The following CACNA2D3 variants were observed in gnomAD, a reference collection of about 807,000 sequenced individuals.
The protein encoded by CACNA2D3 is voltage-dependent calcium channel subunit alpha-2/delta-3.
CACNA2D3 carries 60 observed loss-of-function variants against 160.6 expected under a neutral mutation model. The observed-to-expected ratio is 0.37, with a 90% CI of 0.30 to 0.46. CACNA2D3 has a LOEUF of 0.46. Ranked by LOEUF, CACNA2D3 falls within the 20% of genes least tolerant of loss-of-function variation. The pLI, the probability that CACNA2D3 is intolerant of heterozygous loss-of-function variation, is 1.00. For synonymous variants in CACNA2D3, 558 were observed against 492.9 expected (o/e 1.13, Z -1.75); for missense variants, 1,205 against 1,365.0 (o/e 0.88, Z 1.85).
chr3:54,270,710 C>T (rs1349840084), intron 2 of CACNA2D3, among the ~76,000 whole-genome samples: 1 of 152,214 alleles, frequency 6.6e-6, no homozygotes, highest in Non-Finnish European at 1.5e-5. Flanking sequence ...GGGAAGAATA[C>T]TCTTCCATGT....
intron 12 of CACNA2D3, among the ~76,000 whole-genome samples, chr3:54,763,461 T>C (rs1702121960): frequency 6.6e-6 from 1 of 152,080 alleles, no homozygotes; most frequent in African/African-American, 2.4e-5. Flanking sequence ...ATTATTGTTA[T>C]GTTTATAAAA....
chr3:54,881,476 C>T (rs2106843209), intron 21 of CACNA2D3, among the ~76,000 whole-genome samples: 1 of 152,338 alleles, frequency 6.6e-6, no homozygotes, highest in Middle Eastern at 3.4e-3. Flanking sequence ...TCTCAGTAAA[C>T]AGGAGCAGTT....
intron 4 of CACNA2D3, among the ~76,000 whole-genome samples, chr3:54,463,906 C>G (rs186467204): frequency 1.7e-4 from 26 of 152,230 alleles, no homozygotes; most frequent in African/African-American, 5.8e-4. Flanking sequence ...GTGGTTTTAT[C>G]TACTTTTGGT....
chr3:54,455,717 A>G (rs1700386501), intron 4 of CACNA2D3, among the ~76,000 whole-genome samples: 1 of 152,068 alleles, frequency 6.6e-6, no homozygotes, highest in Non-Finnish European at 1.5e-5. Context: ...TTTAAGATTT[A>G]AGTCTTTAAT....
intron 20 of CACNA2D3, among the ~76,000 whole-genome samples, chr3:54,879,652 C>T (rs986544725): frequency 1.3e-5 from 2 of 152,204 alleles, no homozygotes; most frequent in African/African-American, 2.4e-5. Flanking sequence ...CATTGTCAAG[C>T]AAATATGCTT....
chr3:54,976,094 T>C (rs1353818529), intron 29 of CACNA2D3, among the ~76,000 whole-genome samples: 6 of 128,366 alleles, frequency 4.7e-5, no homozygotes, highest in African/African-American at 1.7e-4. Context: ...CACACACACA[T>C]TATATAAAGG....
chr3:54,217,613 C>T (rs894108648), intron 2 of CACNA2D3, among the ~76,000 whole-genome samples: 2 of 151,944 alleles, frequency 1.3e-5, no homozygotes, highest in African/African-American at 2.4e-5. Flanking sequence ...AAGACAGAGG[C>T]AGAGATCAGA....
rs1199109598 is a variant in CACNA2D3, at chr3:54,764,365, G to A, written c.1380+14G>A. 3.3e-5 allele frequency: 53 copies of A among 1,613,268 alleles called. No individual in the cohort carries two copies. The highest frequency in any genetic ancestry group is 4.5e-5 in the Non-Finnish European group (53 of 1,179,520). ...ATTGACAGCACTGTGAGTCCACGGGGCCCTGGGAAAGAGGCTAAGCTTTAC... is the reference window on the plus strand; with the variant it reads ...ATTGACAGCACTGTGAGTCCACGGGACCCTGGGAAAGAGGCTAAGCTTTAC... On this transcript the variant is annotated intron_variant, in intron 13 of 37. Coordinates refer to ENST00000474759, the MANE Select transcript of CACNA2D3 (RefSeq NM_018398.3).
At chr3:54,706,964 C>T (rs1280305385) in intron 11 of CACNA2D3, among the ~76,000 whole-genome samples, 1 of 152,232 alleles carries the variant, frequency 6.6e-6, no homozygotes, top group South Asian at 2.1e-4. Flanking sequence ...TTTTATGAAG[C>T]AGCCAACCAT....
At position 54,813,491 on chromosome 3, in the gene CACNA2D3, C is replaced by G. The variant is rs116900966; in HGVS notation, c.1381-3362C>G. On this transcript the variant is annotated intron_variant, in intron 13 of 37. Transcript: ENST00000474759. ...GAATGTGAGTTTCAAATCTATTCCT[C>G]TAGCAGATATATTTTTCTCTTGAAG... Among the ~76,000 whole-genome samples, 551 of 152,234 alleles carry G rather than the reference C, an allele frequency of 3.6e-3. 5 individuals carry two copies. The East Asian group carries it at 0.051, about 14-fold the overall frequency.
At chr3:54,651,365 C>T (rs1320114261) in intron 11 of CACNA2D3, among the ~76,000 whole-genome samples, 1 of 150,180 alleles carries the variant, frequency 6.7e-6, no homozygotes, top group Non-Finnish European at 1.5e-5. Context: ...GACAGGAGAA[C>T]TTCAAGATGA....
intron 3 of CACNA2D3, among the ~76,000 whole-genome samples, chr3:54,355,407 T>G (rs28499181): frequency 0.89 from 135,317 of 152,234 alleles, 60,347 homozygotes; most frequent in African/African-American, 0.97. Flanking sequence ...CAGTGAAGGG[T>G]CTCTGGCAGT....
chr3:54,922,701 C>T lies in CACNA2D3; in HGVS notation c.2449+22833C>T, dbSNP rs568209232. Among the ~76,000 whole-genome samples the T allele has an allele frequency of 1.2e-3, 188 of 152,216 alleles. 1 individual carries two copies. Among genetic ancestry groups the T allele is most frequent in the African/African-American group, 4.3e-3 (178 of 41,538 alleles). Reference sequence around the variant, plus strand: ...GTAGCTCCAACATCTTCCTGAGCTTCGGGCTTAAATATACAACCTCCAACT... The same window carrying T: ...GTAGCTCCAACATCTTCCTGAGCTTTGGGCTTAAATATACAACCTCCAACT... On this transcript the variant is annotated intron_variant, in intron 27 of 37. Transcript: ENST00000474759.
intron 27 of CACNA2D3, among the ~76,000 whole-genome samples, chr3:54,924,419 G>C (rs1297369120): frequency 6.6e-6 from 1 of 152,148 alleles, no homozygotes; most frequent in Non-Finnish European, 1.5e-5. Context: ...CATATTTGTA[G>C]ATTAATTTCG....
At chr3:54,874,660 C>G (rs1184065685) in intron 18 of CACNA2D3, 2 of 152,084 alleles carry the variant, frequency 1.3e-5, no homozygotes, top group African/African-American at 4.8e-5. Flanking sequence ...TGTTTTATCT[C>G]CATTGTACAG....
intron 27 of CACNA2D3, among the ~76,000 whole-genome samples, chr3:54,961,797 TTC>T (rs1702034986): frequency 6.6e-6 from 1 of 152,050 alleles, no homozygotes; most frequent in Admixed American, 6.5e-5. Flanking sequence ...ACAGGACATC[TTC>T]TGTTTTCTTT....
chr3:54,822,881 A>G (rs961221286), intron 14 of CACNA2D3, among the ~76,000 whole-genome samples: 11 of 144,040 alleles, frequency 7.6e-5, no homozygotes, highest in African/African-American at 2.6e-4. Flanking sequence ...TGAGACAGAG[A>G]TTAGCTCATG....
intron 35 of CACNA2D3, among the ~76,000 whole-genome samples, chr3:55,059,707 T>C (rs1299647747): frequency 6.6e-6 from 1 of 152,144 alleles, no homozygotes; most frequent in Non-Finnish European, 1.5e-5. Context: ...CCGAGAAGAA[T>C]CAGGTCACAT....
intron 2 of CACNA2D3, among the ~76,000 whole-genome samples, chr3:54,135,447 C>G: frequency 6.6e-6 from 1 of 152,228 alleles, no homozygotes; most frequent in South Asian, 2.1e-4. Context: ...GCTCTCTTCC[C>G]CAGGCGCAGC....
Sources: allele counts gnomAD v4.1 joint callset (sites outside exome capture counted in the v4.1 genomes callset), GRCh38; gene constraint gnomAD v4.1.1; transcripts MANE v1.5; gene names NCBI Gene and HGNC (gene_info 2026-07-23, HGNC 2026-07-21).